ZNF831: variants seen among roughly 807,000 people sequenced by gnomAD.
ZNF831 encodes the protein chromosome 20 open reading frame 174.
Under a neutral mutation model 95.8 loss-of-function variants are expected in ZNF831, and 59 were observed. That is an observed-to-expected ratio of 0.62 (90% CI 0.50 to 0.77). The LOEUF is 0.77. Ranked by LOEUF, ZNF831 falls within the 30% of genes least tolerant of loss-of-function variation. ZNF831 has a pLI of 0.00. For missense variants in ZNF831, 2,205 were observed against 2,164.0 expected (o/e 1.02, Z -0.38); for synonymous variants, 961 against 925.5 (o/e 1.04, Z -0.70).
At chr20:59,126,677 G>A (rs1294346171) in intron 1 of ZNF831, among the ~76,000 whole-genome samples, 1 of 152,188 alleles carries the variant, frequency 6.6e-6, no homozygotes, top group Non-Finnish European at 1.5e-5. Flanking sequence ...ATGCATGCAT[G>A]GCCTGAGGCC....
intron 1 of ZNF831, among the ~76,000 whole-genome samples, chr20:59,142,251 G>A (rs1011446278): frequency 6.6e-6 from 1 of 152,176 alleles, no homozygotes; most frequent in African/African-American, 2.4e-5. Context: ...AGGCATGAAG[G>A]AATCAGTAGA....
At chr20:59,173,479 G>A (rs912328893) in intron 1 of ZNF831, among the ~76,000 whole-genome samples, 1 of 152,156 alleles carries the variant, frequency 6.6e-6, no homozygotes. Flanking sequence ...GACGCGAAAA[G>A]AAATCCATTT....
chr20:59,225,251 T>C (rs8121152), intron 4 of ZNF831, among the ~76,000 whole-genome samples: 21,660 of 152,122 alleles, frequency 0.14, 2,019 homozygotes, highest in South Asian at 0.32. Flanking sequence ...GAAGAAGAAG[T>C]TGTTCTTTTT....
intron 4 of ZNF831, among the ~76,000 whole-genome samples, chr20:59,232,586 T>C (rs1387011676): frequency 6.6e-6 from 1 of 152,066 alleles, no homozygotes; most frequent in Non-Finnish European, 1.5e-5. Flanking sequence ...AACATCTCTG[T>C]GCAGGGATTG....
intron 1 of ZNF831, among the ~76,000 whole-genome samples, chr20:59,179,666 G>A (rs746811655): frequency 1.3e-5 from 2 of 151,998 alleles, no homozygotes; most frequent in African/African-American, 2.4e-5. Context: ...GTGGGTCTTC[G>A]CATGGCCTAC....
chr20:59,155,201 T>C (rs1980470623), intron 2 of ZNF831, among the ~76,000 whole-genome samples: 1 of 152,344 alleles, frequency 6.6e-6, no homozygotes, highest in South Asian at 2.1e-4. Context: ...CCAGTTATCT[T>C]GATTATACAT....
rs1183370813 is a variant in ZNF831 at position 59,255,064 on chromosome 20, C to T, written c.*321C>T. 1.7e-5 allele frequency: 4 copies of T among 236,624 alleles called. No individual in the cohort carries two copies. The East Asian group carries it at 3.6e-4, about 21-fold the overall frequency. The allele number at this position is 236,624 out of a possible 1,614,324, so 14.7% of individuals were successfully genotyped here. The stretch of plus-strand genomic sequence containing the variant: ...TCCCAGCCTCGTCTTCTGCACCTGT[C>T]CCCCACTGCCTCTCTGCAATCAAAT... On this transcript the variant is annotated 3_prime_UTR_variant, in exon 6 of 6. Coordinates refer to ENST00000371030, the MANE Select transcript of ZNF831 (RefSeq NM_178457.3).
At chr20:59,209,351 A>G (rs1312645030) in intron 4 of ZNF831, among the ~76,000 whole-genome samples, 1 of 152,260 alleles carries the variant, frequency 6.6e-6, no homozygotes, top group Non-Finnish European at 1.5e-5. Flanking sequence ...GGACGAGGTC[A>G]TCTCATTAGT....
chr20:59,227,130 C>T (rs116057736), intron 4 of ZNF831, among the ~76,000 whole-genome samples: 2,376 of 152,270 alleles, frequency 0.016, 56 homozygotes, highest in African/African-American at 0.054. Flanking sequence ...GTTCCCCTTC[C>T]GTCACCTTTT....
chr20:59,220,947 T>A (rs1050508598), intron 4 of ZNF831, among the ~76,000 whole-genome samples: 6 of 152,210 alleles, frequency 3.9e-5, no homozygotes, highest in Non-Finnish European at 8.8e-5. Flanking sequence ...ATCTGTAGAA[T>A]GGGGCTGGAG....
upstream of ZNF831, among the ~76,000 whole-genome samples, chr20:59,162,221 A>G (rs1980917182): frequency 6.6e-6 from 1 of 152,138 alleles, no homozygotes; most frequent in South Asian, 2.1e-4. Flanking sequence ...TACATTGTTG[A>G]TTATTTCTTT....
chr20:59,182,518 G>A (rs897103087), intron 1 of ZNF831, among the ~76,000 whole-genome samples: 2 of 151,894 alleles, frequency 1.3e-5, no homozygotes, highest in African/African-American at 2.4e-5. Flanking sequence ...GACAGGGGAC[G>A]GGGATGGCTG....
intron 4 of ZNF831, among the ~76,000 whole-genome samples, chr20:59,242,600 T>C (rs1236692382): frequency 6.6e-6 from 1 of 152,202 alleles, no homozygotes; most frequent in Non-Finnish European, 1.5e-5. Context: ...TGATTACCTT[T>C]TATCAAAGAA....
In ZNF831 at chr20:59,254,658, G is replaced by A. The variant is rs763051862; in HGVS notation, c.4949G>A (p.Ser1650Asn). Residue 1650 changes from serine (S) to asparagine (N), a missense_variant, in exon 6 of 6, where the codon AGT (serine) becomes AAT (asparagine). Ser to Asn is a conservative substitution (Grantham distance 46). Coordinates refer to ENST00000371030, the MANE Select transcript of ZNF831 (RefSeq NM_178457.3). This position sits in a 1 kb window ranked among gnomAD's most constrained non-coding sequence, Gnocchi z 4.5. ...EAPSKSLKKR[S>N]LEGMRKQTRV... The stretch of plus-strand genomic sequence containing the variant: ...CCTTCTAAATCCCTCAAGAAGAGGA[G>A]TCTGGAAGGAATGAGAAAGCAAACT... The A allele has an allele frequency of 1.2e-6, 2 of 1,614,124 alleles. No individual in the cohort carries two copies. The highest frequency in any genetic ancestry group is 1.7e-6 in the Non-Finnish European group (2 of 1,180,042).
chr20:59,136,509 G>A (rs1979513461), intron 1 of ZNF831, among the ~76,000 whole-genome samples: 1 of 152,084 alleles, frequency 6.6e-6, no homozygotes, highest in South Asian at 2.1e-4. Context: ...TGAGATCCTG[G>A]AGCTCAAGAT....
At position 59,253,046 on chromosome 20, in the gene ZNF831, A is replaced by G; in HGVS notation, c.4096A>G (p.Lys1366Glu). 1 of 1,614,140 alleles carries G rather than the reference A, an allele frequency of 6.2e-7. No homozygotes were observed. Among genetic ancestry groups the G allele is most frequent in the East Asian group, 2.2e-5 (1 of 44,878 alleles). The change falls in exon 5 of 6, where the codon AAG (lysine) becomes GAG (glutamate). Residue 1366 changes from lysine to glutamate, a missense_variant. Physicochemically the swap from Lys to Glu is moderately conservative, Grantham distance 56. Coordinates refer to ENST00000371030, the MANE Select transcript of ZNF831 (RefSeq NM_178457.3). ...ACCTCCTTGTTGTGGGAAGGAAGAG[A>G]AGAAGGAAGGTGACTGCAGACAAAC... ...ESPPCCGKEEKKEGDCRQTLG... is the reference protein window; with the variant it reads ...ESPPCCGKEEEKEGDCRQTLG...
At chr20:59,180,520 T>TC (rs531688912) in intron 1 of ZNF831, among the ~76,000 whole-genome samples, 6 of 151,412 alleles carry the variant, frequency 4.0e-5, no homozygotes, top group Non-Finnish European at 5.9e-5. Context: ...TCCCTCCCCT[T>TC]CCCCCCCGGC....
In ZNF831 at chr20:59,194,606, C is replaced by G; in HGVS notation, c.3587C>G (p.Ala1196Gly). The stretch of plus-strand genomic sequence containing the variant: ...CTGAGCCGCAGTGTCCCTCTGCCCG[C>G]GGAGCAGAAGGCAAAGGCGGCATCT... Reference protein sequence around the residue: ...CCLSRSVPLPAEQKAKAASVY... With the variant: ...CCLSRSVPLPGEQKAKAASVY... The change falls in exon 2 of 6, where the codon GCG becomes GGG. Residue 1196 changes from alanine to glycine, a missense_variant. Transcript: ENST00000371030. The G allele has an allele frequency of 6.2e-7, 1 of 1,612,788 alleles. No individual in the cohort carries two copies. The highest frequency in any genetic ancestry group is 1.1e-5 in the South Asian group (1 of 90,950).
At chr20:59,172,055 A>G (rs1175202944) in intron 1 of ZNF831, among the ~76,000 whole-genome samples, 1 of 152,162 alleles carries the variant, frequency 6.6e-6, no homozygotes. Context: ...CCTTCAATCA[A>G]GGGCCTGTAG....
Sources: allele counts gnomAD v4.1 joint callset (sites outside exome capture counted in the v4.1 genomes callset), GRCh38; gene constraint gnomAD v4.1.1; non-coding constraint Gnocchi (gnomAD v3.1); transcripts MANE v1.5; gene names NCBI Gene and HGNC (gene_info 2026-07-23, HGNC 2026-07-21).